RGMA: variants seen among roughly 807,000 people sequenced by gnomAD.
The protein encoded by RGMA is repulsive guidance molecule BMP co-receptor a.
Under a neutral mutation model 23.2 loss-of-function variants are expected in RGMA, and 10 were observed. The ratio of observed to expected loss-of-function variants is 0.43; its 90% confidence interval spans 0.27 to 0.73. The LOEUF (loss-of-function observed/expected upper bound fraction) is 0.73, where lower values mean the gene tolerates loss of function less well. Ranked by LOEUF, RGMA falls within the 30% of genes least tolerant of loss-of-function variation. The pLI is 0.20. For synonymous variants in RGMA, 308 were observed against 279.3 expected (o/e 1.10, Z -1.03); for missense variants, 547 against 630.5 (o/e 0.87, Z 1.42).
Position 93,045,898 on chromosome 15 carries a change from A to G in RGMA, c.646-193T>C, listed in dbSNP as rs1349560894. On this transcript the variant is annotated intron_variant, in intron 3 of 3. Coordinates refer to ENST00000329082, the MANE Select transcript of RGMA (RefSeq NM_020211.3). The surrounding 1 kb of genome is among the most constrained non-coding windows in gnomAD (Gnocchi z 6.9). ...ACTTCACATTCTTTCAATGAAAACA[A>G]CTTGCCCTTTTTACTTTAAAAAGTG... is the stretch of plus-strand genomic sequence containing the variant. Among the ~76,000 whole-genome samples, 1 of 152,200 alleles carries G rather than the reference A, an allele frequency of 6.6e-6. No homozygotes were observed. Among genetic ancestry groups the G allele is most frequent in the Non-Finnish European group, 1.5e-5 (1 of 68,040 alleles).
At chr15:93,081,451 C>T (rs72767240) in intron 1 of RGMA, among the ~76,000 whole-genome samples, 4,220 of 152,260 alleles carry the variant, frequency 0.028, 94 homozygotes, top group Middle Eastern at 0.11. Context: ...ATACCTGAAA[C>T]CATACCTTAG....
At chr15:93,063,794 GGAGA>G (rs1895050142) in intron 2 of RGMA, among the ~76,000 whole-genome samples, 1 of 152,206 alleles carries the variant, frequency 6.6e-6, no homozygotes, top group Admixed American at 6.5e-5. Flanking sequence ...ACCAGCCACA[GGAGA>G]AAGAGGGAGC....
At chr15:93,068,336 AAAGAC>A (rs1895221060) in intron 2 of RGMA, among the ~76,000 whole-genome samples, 1 of 144,226 alleles carries the variant, frequency 6.9e-6, no homozygotes, top group Admixed American at 6.9e-5. Flanking sequence ...ACATTTCACC[AAAGAC>A]AAGATCTCTA....
intron 2 of RGMA, chr15:93,066,417 C>A: frequency 1.5e-6 from 1 of 659,710 alleles, no homozygotes; most frequent in South Asian, 1.4e-5. Flanking sequence ...CGGGGGTTTC[C>A]AAGGCCGCCG....
chr15:93,079,884 C>A (rs1327146636), intron 1 of RGMA, among the ~76,000 whole-genome samples: 6 of 152,074 alleles, frequency 3.9e-5, no homozygotes, highest in African/African-American at 1.4e-4. Context: ...AGGGTGCATG[C>A]CTGTGGACAC....
chr15:93,070,442 T>C (rs540032858), intron 2 of RGMA, among the ~76,000 whole-genome samples: 1 of 152,304 alleles, frequency 6.6e-6, no homozygotes, highest in East Asian at 1.9e-4. Flanking sequence ...TTCCACTTGC[T>C]GGGGCTTTAT....
intron 2 of RGMA, among the ~76,000 whole-genome samples, chr15:93,054,477 G>A (rs190182914): frequency 7.1e-6 from 1 of 140,176 alleles, no homozygotes; most frequent in African/African-American, 2.5e-5. Flanking sequence ...CTGTTCTGGT[G>A]GTAGTGAATA....
chr15:93,042,236 A>G lies in RGMA; in HGVS notation c.*2762T>C, dbSNP rs921811605. The G allele has an allele frequency of 5.3e-5, 8 of 151,784 alleles. No individual in the cohort carries two copies. The highest frequency in any genetic ancestry group is 1.9e-4 in the African/African-American group (8 of 41,290). 9.4% of individuals were successfully genotyped at this position (151,784 alleles called of 1,614,324 possible). A position where few individuals can be genotyped will look rare whatever the true frequency, so the allele number is the denominator to read the frequency against. On this transcript the variant is annotated 3_prime_UTR_variant, in exon 4 of 4. Coordinates refer to ENST00000329082, the MANE Select transcript of RGMA (RefSeq NM_020211.3). ...CTGCCTGGGATTAATGAACTTGGCCACTCTTGGGACTCCTCCCCTTGCTAG... is the reference window on the plus strand; with the variant it reads ...CTGCCTGGGATTAATGAACTTGGCCGCTCTTGGGACTCCTCCCCTTGCTAG...
chr15:93,048,769 G>A (rs374619870), intron 3 of RGMA, among the ~76,000 whole-genome samples: 25 of 152,224 alleles, frequency 1.6e-4, no homozygotes, highest in Admixed American at 7.8e-4. Flanking sequence ...AGCCCACCTC[G>A]GTGGGGAGGC....
At chr15:93,049,152 C>G (rs2054877160) in intron 3 of RGMA, among the ~76,000 whole-genome samples, 1 of 152,174 alleles carries the variant, frequency 6.6e-6, no homozygotes, top group African/African-American at 2.4e-5. Flanking sequence ...TGCTGCTCCC[C>G]CTTCTGAAGG....
At chr15:93,060,545 C>T (rs926826271) in intron 2 of RGMA, among the ~76,000 whole-genome samples, 5 of 152,180 alleles carry the variant, frequency 3.3e-5, no homozygotes, top group African/African-American at 1.2e-4. Context: ...CCGATGGGGG[C>T]GGGGTGGGCC....
intron 2 of RGMA, chr15:93,065,541 G>A: frequency 1.5e-6 from 1 of 669,572 alleles, no homozygotes; most frequent in Non-Finnish European, 2.8e-6. Flanking sequence ...TGGAAAAACT[G>A]GCAGATAGCA....
At chr15:93,078,992 C>T (rs1466316705) in intron 1 of RGMA, among the ~76,000 whole-genome samples, 1 of 152,246 alleles carries the variant, frequency 6.6e-6, no homozygotes, top group African/African-American at 2.4e-5. Context: ...GCTTAATATG[C>T]ATGTTCTTGC....
chr15:93,080,850 C>T (rs1418808486), intron 1 of RGMA, among the ~76,000 whole-genome samples: 1 of 152,140 alleles, frequency 6.6e-6, no homozygotes, highest in African/African-American at 2.4e-5. Context: ...TTTCTTTTTA[C>T]TGGGACTATA....
intron 1 of RGMA, among the ~76,000 whole-genome samples, chr15:93,075,269 T>C (rs1191755521): frequency 3.3e-5 from 5 of 152,216 alleles, no homozygotes; most frequent in Non-Finnish European, 7.3e-5. Flanking sequence ...GCAATTCCAT[T>C]ACATACAGTA....
chr15:93,074,993 C>G (rs1479768170), intron 1 of RGMA, among the ~76,000 whole-genome samples: 1 of 152,150 alleles, frequency 6.6e-6, no homozygotes, highest in African/African-American at 2.4e-5. Flanking sequence ...AGGTTGGAGA[C>G]CAGGGCTCAG....
intron 2 of RGMA, among the ~76,000 whole-genome samples, chr15:93,068,464 A>G (rs1299935231): frequency 6.6e-6 from 1 of 152,024 alleles, no homozygotes; most frequent in African/African-American, 2.4e-5. Context: ...CCCACAGATC[A>G]CCTCTCCCCA....
intron 1 of RGMA, among the ~76,000 whole-genome samples, chr15:93,084,191 A>G (rs1287946318): frequency 1.3e-5 from 2 of 152,184 alleles, no homozygotes; most frequent in Non-Finnish European, 2.9e-5. Flanking sequence ...ATGTTCCTGT[A>G]AGGGGAATCT....
chr15:93,076,880 C>A (rs569892429), intron 1 of RGMA, among the ~76,000 whole-genome samples: 1 of 152,152 alleles, frequency 6.6e-6, no homozygotes. Context: ...AAAGTCAAGG[C>A]GAGACAGATT....
Sources: gnomAD v4.1 joint callset for allele counts (sites outside exome capture counted in the v4.1 genomes callset) on GRCh38, gnomAD v4.1.1 for gene constraint, Gnocchi (gnomAD v3.1) non-coding constraint, MANE v1.5 for transcripts, NCBI Gene and HGNC (gene_info 2026-07-23, HGNC 2026-07-21) for gene names.